Variants in USH1C observed in about 807,000 individuals in gnomAD.
USH1C encodes the protein harmonin.
USH1C carries 90 observed loss-of-function variants against 119.3 expected under a neutral mutation model. The observed-to-expected ratio is 0.75, with a 90% CI of 0.64 to 0.90. USH1C has a LOEUF of 0.90. Ranked by LOEUF, USH1C falls within the 40% of genes least tolerant of loss-of-function variation. The probability of loss-of-function intolerance (pLI) is 0.00; values close to 1 mark genes in which losing one functional copy is unlikely to be tolerated. For missense variants in USH1C, 1,165 were observed against 1,167.7 expected, an observed-to-expected ratio of 1.00 and a Z score of 0.03; for synonymous variants, 465 against 443.3, an observed-to-expected ratio of 1.05 and a Z score of -0.62.
At position 17,504,708 on chromosome 11, in the gene USH1C, A is replaced by G. The variant is rs200386499; in HGVS notation, c.2134-11T>C. On this transcript the variant is annotated splice_polypyrimidine_tract_variant and intron_variant, in intron 19 of 26. Coordinates refer to ENST00000005226, the MANE Select transcript of USH1C (RefSeq NM_153676.4). ...CAACATCTCCTGTGGCTGCCAGAGG[A>G]AAAAAAAAAAAGTTCCACATTGGAT... The G allele has an allele frequency of 7.9e-4, 581 of 735,628 alleles. 4 individuals are homozygous for G. In the East Asian group the frequency reaches 0.029, roughly 36 times the overall value. 45.6% of individuals were successfully genotyped at this position (735,628 alleles called of 1,614,324 possible). A position where few individuals can be genotyped will look rare whatever the true frequency, so the allele number is the denominator to read the frequency against.
chr11:17,527,262 G>A lies in USH1C; in HGVS notation c.457C>T (p.Leu153Phe). The change falls in exon 5 of 27, where the codon CTC becomes TTC. Residue 153 changes from leucine (L) to phenylalanine (F), a missense_variant. Leu to Phe is a conservative substitution (Grantham distance 22). Transcript: ENST00000005226. ...GACACAGTTTTCTTGGTTCGAATGA[G>A]GTTGATGACCTCCTCATGGGTACAG... ...SSCTHEEVIN[L>F]IRTKKTVSIK... 1 of 1,611,526 alleles carries A rather than the reference G, an allele frequency of 6.2e-7. No homozygotes were observed. The highest frequency in any genetic ancestry group is 2.2e-5 in the East Asian group (1 of 44,682).
Position 17,499,562 on chromosome 11 carries a change from C to A in USH1C, c.2381-1291G>T, listed in dbSNP as rs74681772. The stretch of plus-strand genomic sequence containing the variant: ...GGTCCCCTCTCTCTGCTAGACACAG[C>A]AGGCAGGTATCACAGAAGTGTCACC... On this transcript the variant is annotated intron_variant, in intron 23 of 26. Transcript: ENST00000005226. Among the ~76,000 whole-genome samples, 540 of 152,330 alleles carry A rather than the reference C, an allele frequency of 3.5e-3. 4 individuals carry two copies. Among genetic ancestry groups the A allele is most frequent in the African/African-American group, 0.012 (512 of 41,574 alleles).
intron 14 of USH1C, chr11:17,517,290 G>T (rs1364803578): frequency 3.6e-6 from 4 of 1,104,834 alleles, no homozygotes; most frequent in African/African-American, 1.6e-5. Context: ...AGACTCTATT[G>T]GCCCCCACAC....
intron 20 of USH1C, 68 bp from the exon 21 acceptor site, chr11:17,502,048 G>T: frequency 6.5e-7 from 1 of 1,527,382 alleles, no homozygotes; most frequent in Non-Finnish European, 9.0e-7. Context: ...CGAGGAGTAG[G>T]GGGATGAATG....
chr11:17,513,076 CAG>C (rs1849964455), intron 15 of USH1C, among the ~76,000 whole-genome samples: 1 of 152,174 alleles, frequency 6.6e-6, no homozygotes, highest in Non-Finnish European at 1.5e-5. Flanking sequence ...AGCTGAGGCT[CAG>C]AGAGGTAAAG....
intron 4 of USH1C, among the ~76,000 whole-genome samples, chr11:17,529,894 C>G (rs1433613122): frequency 1.3e-5 from 2 of 152,190 alleles, no homozygotes; most frequent in Non-Finnish European, 2.9e-5. Flanking sequence ...TTGAGAACTG[C>G]TTGTCCTAAG....
At chr11:17,518,590 C>T (rs774498171) in intron 14 of USH1C, among the ~76,000 whole-genome samples, 2 of 152,202 alleles carry the variant, frequency 1.3e-5, no homozygotes, top group Non-Finnish European at 2.9e-5. Flanking sequence ...CTGGATCAGC[C>T]ACGGGTAGGT....
At chr11:17,530,179 G>T (rs1252764848) in intron 4 of USH1C, among the ~76,000 whole-genome samples, 5 of 152,198 alleles carry the variant, frequency 3.3e-5, no homozygotes, top group African/African-American at 1.2e-4. Flanking sequence ...GCCTGGATTG[G>T]GATGTTGATA....
intron 1 of USH1C, among the ~76,000 whole-genome samples, chr11:17,537,333 C>T (rs1014216878): frequency 2.0e-5 from 3 of 152,216 alleles, no homozygotes; most frequent in African/African-American, 7.2e-5. Flanking sequence ...CAGGTACATA[C>T]GAAGCACTAG....
intron 14 of USH1C, among the ~76,000 whole-genome samples, chr11:17,519,987 T>C (rs1164982781): frequency 1.3e-5 from 2 of 152,214 alleles, no homozygotes; most frequent in Admixed American, 1.3e-4. Flanking sequence ...GAGTCCAGAA[T>C]AGCCCCTTGC....
intron 15 of USH1C, among the ~76,000 whole-genome samples, chr11:17,515,651 A>G (rs552001535): frequency 6.6e-6 from 1 of 152,366 alleles, no homozygotes; most frequent in South Asian, 2.1e-4. Flanking sequence ...AGATAAGGAC[A>G]AGAGAGTTTT....
chr11:17,495,754 T>C, intron 25 of USH1C, 77 bp from the exon 26 acceptor site: 1 of 1,481,308 alleles, frequency 6.8e-7, no homozygotes. Flanking sequence ...GGCTTCTCCT[T>C]TCACTGGGCT....
At chr11:17,542,266 G>A (rs1041394030) in intron 1 of USH1C, among the ~76,000 whole-genome samples, 1 of 152,208 alleles carries the variant, frequency 6.6e-6, no homozygotes, top group African/African-American at 2.4e-5. Context: ...ACTAAGGAAG[G>A]GACCCCTACA....
At chr11:17,497,348 TG>T (rs1565017605) in intron 24 of USH1C, among the ~76,000 whole-genome samples, 2 of 152,172 alleles carry the variant, frequency 1.3e-5, no homozygotes, top group Admixed American at 6.5e-5. Flanking sequence ...GAAATATCAC[TG>T]GGCCCCTCTA....
intron 14 of USH1C, among the ~76,000 whole-genome samples, chr11:17,520,331 G>C (rs1028371803): frequency 6.6e-6 from 1 of 152,232 alleles, no homozygotes; most frequent in South Asian, 2.1e-4. Context: ...TGGGTGTCTG[G>C]GAGAGGCCTC....
chr11:17,517,187 G>A (rs113560987), intron 14 of USH1C, among the ~76,000 whole-genome samples: 3 of 152,186 alleles, frequency 2.0e-5, no homozygotes, highest in African/African-American at 7.2e-5. Flanking sequence ...GTACCAGTGT[G>A]CAACAGCTGA....
At position 17,544,416 on chromosome 11, in the gene USH1C, T is replaced by C; in HGVS notation, c.-109A>G. The C allele has an allele frequency of 6.6e-7, 1 of 1,513,676 alleles. No individual in the cohort carries two copies. Among genetic ancestry groups the C allele is most frequent in the Non-Finnish European group, 9.1e-7 (1 of 1,102,850 alleles). The allele number at this position is 1,513,676 out of a possible 1,614,324, so 93.8% of individuals were successfully genotyped here. A position where few individuals can be genotyped will look rare whatever the true frequency, so the allele number is the denominator to read the frequency against. ...CGACCGGGCCAGCCGCCCTCGGAGC[T>C]GGGGGCGGGGCCTGAGCGCGGAGGG... is the stretch of plus-strand genomic sequence containing the variant. On this transcript the variant is annotated 5_prime_UTR_variant, in exon 1 of 27. Transcript: ENST00000005226.
intron 1 of USH1C, 114 bp from the exon 2 acceptor site, chr11:17,533,436 A>C (rs1242766963): frequency 2.6e-6 from 2 of 772,960 alleles, no homozygotes; most frequent in East Asian, 5.4e-5. Flanking sequence ...TCAGGGCTGG[A>C]GTTGTGAGGA....
chr11:17,515,296 T>C (rs1001149008), intron 15 of USH1C, among the ~76,000 whole-genome samples: 1 of 152,256 alleles, frequency 6.6e-6, no homozygotes, highest in African/African-American at 2.4e-5. Flanking sequence ...CAAATCCTGA[T>C]AGATGTTCCT....
Sources: gnomAD v4.1 joint callset for allele counts (sites outside exome capture counted in the v4.1 genomes callset) on GRCh38, gnomAD v4.1.1 for gene constraint, MANE v1.5 for transcripts, NCBI Gene and HGNC (gene_info 2026-07-23, HGNC 2026-07-21) for gene names.